The following PPM1L variants were observed in gnomAD, a reference collection of about 807,000 sequenced individuals.
The protein encoded by PPM1L is protein phosphatase, Mg2+/Mn2+ dependent 1L.
In PPM1L, 13 loss-of-function variants were observed where a neutral mutation model predicts 31.4. The observed-to-expected ratio is 0.41, with a 90% CI of 0.27 to 0.66. The LOEUF (loss-of-function observed/expected upper bound fraction) is 0.66, where lower values mean the gene tolerates loss of function less well. Ranked by LOEUF, PPM1L falls within the 30% of genes least tolerant of loss-of-function variation. The pLI is 0.29. For missense variants in PPM1L, 326 were observed against 453.7 expected (o/e 0.72, Z 2.56); for synonymous variants, 184 against 175.4 (o/e 1.05, Z -0.39).
intron 1 of PPM1L, among the ~76,000 whole-genome samples, chr3:160,870,868 A>G (rs756991690): frequency 2.0e-5 from 3 of 149,746 alleles, no homozygotes; most frequent in Non-Finnish European, 4.5e-5. Context: ...AAATCATGCA[A>G]TAATAATAAT....
chr3:160,785,495 CT>C (rs1711878790), intron 1 of PPM1L, among the ~76,000 whole-genome samples: 1 of 152,168 alleles, frequency 6.6e-6, no homozygotes, highest in Non-Finnish European at 1.5e-5. Flanking sequence ...CTCTGGATCT[CT>C]AAAACCCCTC....
At chr3:160,801,181 C>T (rs1170865948) in intron 1 of PPM1L, among the ~76,000 whole-genome samples, 1 of 151,344 alleles carries the variant, frequency 6.6e-6, no homozygotes, top group Non-Finnish European at 1.5e-5. Flanking sequence ...ATTTTTTGCC[C>T]TTTAATATTG....
intron 1 of PPM1L, among the ~76,000 whole-genome samples, chr3:160,801,588 A>G (rs1712427016): frequency 6.6e-6 from 1 of 152,210 alleles, no homozygotes; most frequent in South Asian, 2.1e-4. Flanking sequence ...TGATGTGATG[A>G]AACTTGGCAT....
rs1240238177 is a variant in PPM1L at position 160,837,032 on chromosome 3, AT to A, written c.399+80331del. 7.2e-5 allele frequency among the ~76,000 whole-genome samples: 11 copies of A among 151,960 alleles called. No homozygotes were observed. The East Asian group carries it at 2.1e-3, about 29-fold the overall frequency. ...TGAATTATTTGAGTTCCACCTTGAC[AT>A]TTTTTCTTCTTTGATTGCCCCCCTG... On this transcript the variant is annotated intron_variant, in intron 1 of 3. Transcript: ENST00000498165.
chr3:161,019,417 C>T (rs370545531), intron 2 of PPM1L, among the ~76,000 whole-genome samples: 1 of 152,042 alleles, frequency 6.6e-6, no homozygotes, highest in Admixed American at 6.6e-5. Context: ...AGGTTGGTCT[C>T]GAACTCCAGA....
chr3:160,900,368 T>C (rs1299512558), intron 1 of PPM1L, among the ~76,000 whole-genome samples: 1 of 152,140 alleles, frequency 6.6e-6, no homozygotes, highest in Non-Finnish European at 1.5e-5. Context: ...TCCTTTTCTT[T>C]CTTTGACTTT....
At chr3:160,929,442 G>A (rs915665108) in intron 1 of PPM1L, among the ~76,000 whole-genome samples, 2 of 152,134 alleles carry the variant, frequency 1.3e-5, no homozygotes, top group Non-Finnish European at 2.9e-5. Context: ...CCACTTGCTA[G>A]TTGCTGATCC....
At chr3:161,010,284 A>G (rs1484406802) in intron 2 of PPM1L, among the ~76,000 whole-genome samples, 1 of 152,098 alleles carries the variant, frequency 6.6e-6, no homozygotes, top group Non-Finnish European at 1.5e-5. Context: ...TAGTTTGCTG[A>G]GAATGATGGT....
At chr3:160,989,217 T>C (rs1332661515) in intron 2 of PPM1L, among the ~76,000 whole-genome samples, 5 of 152,172 alleles carry the variant, frequency 3.3e-5, no homozygotes, top group Admixed American at 3.3e-4. Flanking sequence ...TTAATTTTTA[T>C]AGTAACATGT....
chr3:160,795,497 G>A (rs1712221223), intron 1 of PPM1L, among the ~76,000 whole-genome samples: 2 of 152,128 alleles, frequency 1.3e-5, no homozygotes, highest in African/African-American at 4.8e-5. Context: ...GCTGCCCTAG[G>A]GTTAGCAAAA....
rs576569560 is a variant in PPM1L, at chr3:160,855,760, G to A, written c.399+99053G>A. ...AAAAAGGAACACTTATACACTGCTG[G>A]AGGGAACGTAAGTGTTTCAGCTACT... is the stretch of plus-strand genomic sequence containing the variant. On this transcript the variant is annotated intron_variant, in intron 1 of 3. Coordinates refer to ENST00000498165, the MANE Select transcript of PPM1L (RefSeq NM_139245.4). Among the ~76,000 whole-genome samples, 124 of 152,282 alleles carry A rather than the reference G, an allele frequency of 8.1e-4. 1 individual carries two copies. Among genetic ancestry groups the A allele is most frequent in the African/African-American group, 2.9e-3 (121 of 41,562 alleles).
chr3:160,797,687 G>A (rs560269728), intron 1 of PPM1L, among the ~76,000 whole-genome samples: 29 of 152,272 alleles, frequency 1.9e-4, no homozygotes, highest in Non-Finnish European at 3.7e-4. Context: ...TTGCCAATAC[G>A]GGAAAAGTTT....
intron 2 of PPM1L, among the ~76,000 whole-genome samples, chr3:160,997,860 A>C (rs1717373514): frequency 6.6e-6 from 1 of 152,166 alleles, no homozygotes; most frequent in African/African-American, 2.4e-5. Context: ...CCTATCACTA[A>C]CAATCTCAAA....
intron 1 of PPM1L, among the ~76,000 whole-genome samples, chr3:160,837,360 T>G (rs899307730): frequency 6.6e-6 from 1 of 152,110 alleles, no homozygotes; most frequent in South Asian, 2.1e-4. Context: ...TTATAAGCCA[T>G]GTGGGTAATA....
chr3:161,066,054 C>G (rs1409538997), intron 3 of PPM1L, among the ~76,000 whole-genome samples: 4 of 152,252 alleles, frequency 2.6e-5, no homozygotes, highest in Admixed American at 1.3e-4. Context: ...TCTGCCTTTC[C>G]CCAGCATCCT....
chr3:160,950,783 A>G (rs969771072), intron 1 of PPM1L, among the ~76,000 whole-genome samples: 1 of 152,324 alleles, frequency 6.6e-6, no homozygotes, highest in Non-Finnish European at 1.5e-5. Flanking sequence ...TTTTTGATTA[A>G]TAACTCATGA....
At chr3:160,810,210 G>A (rs572043979) in intron 1 of PPM1L, among the ~76,000 whole-genome samples, 1 of 152,098 alleles carries the variant, frequency 6.6e-6, no homozygotes, top group Non-Finnish European at 1.5e-5. Flanking sequence ...CTTAATGTGT[G>A]TTAGTAGGTC....
intron 2 of PPM1L, among the ~76,000 whole-genome samples, chr3:161,009,375 A>T (rs734915): frequency 0.012 from 1,850 of 152,328 alleles, 72 homozygotes; most frequent in Admixed American, 0.072. Flanking sequence ...TAGTTAAAAT[A>T]AGGTAATTTA....
chr3:160,778,946 C>CT (rs1711652914), intron 1 of PPM1L, among the ~76,000 whole-genome samples: 1 of 151,962 alleles, frequency 6.6e-6, no homozygotes, highest in Non-Finnish European at 1.5e-5. Flanking sequence ...TCTTTTTTAC[C>CT]TTTTTGTGCA....
Sources: gnomAD v4.1 joint callset for allele counts (sites outside exome capture counted in the v4.1 genomes callset) on GRCh38, gnomAD v4.1.1 for gene constraint, MANE v1.5 for transcripts, NCBI Gene and HGNC (gene_info 2026-07-23, HGNC 2026-07-21) for gene names.